Variants in CFAP61 observed in about 807,000 individuals in gnomAD.
The protein encoded by CFAP61 is cilia and flagella associated protein 61.
In CFAP61, 107 loss-of-function variants were observed where a neutral mutation model predicts 135.6. That is an observed-to-expected ratio of 0.79 (90% CI 0.67 to 0.93). The LOEUF (loss-of-function observed/expected upper bound fraction) is 0.93, where lower values mean the gene tolerates loss of function less well. Ranked by LOEUF, CFAP61 falls within the 40% of genes least tolerant of loss-of-function variation. CFAP61 has a pLI of 0.00. For synonymous variants in CFAP61, 575 were observed against 578.5 expected (o/e 0.99, Z 0.09); for missense variants, 1,507 against 1,556.2 (o/e 0.97, Z 0.53).
In CFAP61 at chr20:20,090,932, C is replaced by T; in HGVS notation, c.655C>T (p.Leu219=). The T allele has an allele frequency of 1.9e-6, 3 of 1,614,070 alleles. No individual in the cohort carries two copies. The South Asian group carries it at 3.3e-5, about 18-fold the overall frequency. Residue 219 remains leucine (L), a synonymous_variant, in exon 7 of 27, where the codon CTA becomes TTA. Coordinates refer to ENST00000245957, the MANE Select transcript of CFAP61 (RefSeq NM_015585.4). ...ETYGEYFLAE[L]IEAQDEENHA... ...TTACGGTGAATACTTCCTGGCCGAA[C>T]TAATAGAGGCCCAAGATGAAGAGAA... is the stretch of plus-strand genomic sequence containing the variant.
At chr20:20,213,191 ACT>A (rs2047788504) in intron 17 of CFAP61, among the ~76,000 whole-genome samples, 1 of 152,092 alleles carries the variant, frequency 6.6e-6, no homozygotes, top group Admixed American at 6.6e-5. Flanking sequence ...CTCCACACAC[ACT>A]CAGCCCGTGC....
rs199709884 is a variant in CFAP61 at position 20,164,156 on chromosome 20, G to T, written c.1133G>T (p.Arg378Leu). The change falls in exon 11 of 27, where the codon CGC (arginine) becomes CTC (leucine). Residue 378 changes from arginine (R) to leucine (L), a missense_variant. Arg to Leu is a moderately radical substitution (Grantham distance 102). Transcript: ENST00000245957. ...CTGCCTGAAGAGCCCGTCCACTTCC[G>T]CCCCATCTACAGGGGAGCCTCAGCT... ...LVLPEEPVHFRPIYRGASAAF... is the reference protein window; with the variant it reads ...LVLPEEPVHFLPIYRGASAAF... 1 of 1,614,030 alleles carries T rather than the reference G, an allele frequency of 6.2e-7. No homozygotes were observed. Among genetic ancestry groups the T allele is most frequent in the African/African-American group, 1.3e-5 (1 of 75,052 alleles).
chr20:20,223,616 G>C (rs1466932836), intron 17 of CFAP61, among the ~76,000 whole-genome samples: 1 of 152,138 alleles, frequency 6.6e-6, no homozygotes, highest in African/African-American at 2.4e-5. Context: ...TTTCAGTAAT[G>C]CTTTTGTAGT....
intron 21 of CFAP61, among the ~76,000 whole-genome samples, chr20:20,275,187 G>T (rs555218537): frequency 6.6e-6 from 1 of 152,314 alleles, no homozygotes; most frequent in African/African-American, 2.4e-5. Flanking sequence ...CAAGCAGGAT[G>T]AAACACACAT....
At chr20:20,345,591 A>C (rs1181889126) in intron 26 of CFAP61, among the ~76,000 whole-genome samples, 1 of 152,160 alleles carries the variant, frequency 6.6e-6, no homozygotes, top group African/African-American at 2.4e-5. Flanking sequence ...TTATCTATGA[A>C]TATTGTTAGA....
intron 25 of CFAP61, among the ~76,000 whole-genome samples, chr20:20,341,262 T>A (rs867838075): frequency 4.5e-4 from 68 of 152,206 alleles, no homozygotes; most frequent in African/African-American, 1.4e-3. Context: ...AATCTTATTG[T>A]TCTCCATATA....
rs2054769783 is a variant in CFAP61 at position 20,288,625 on chromosome 20, G to C, written c.2813G>C (p.Cys938Ser). The change falls in exon 23 of 27, where the codon TGT becomes TCT. Residue 938 changes from cysteine (C) to serine (S), a missense_variant. Transcript: ENST00000245957. ...ACTTCGTAGATGTTCTTCAGCTTCT[G>C]TGAGAAGAATGTGGATTATGAAACG... ...RLQCSMFFSFCEKNVDYETFK... is the reference protein window; with the variant it reads ...RLQCSMFFSFSEKNVDYETFK... 2.5e-6 allele frequency: 4 copies of C among 1,612,438 alleles called. No individual in the cohort carries two copies. Among genetic ancestry groups the C allele is most frequent in the Non-Finnish European group, 3.4e-6 (4 of 1,178,596 alleles).
chr20:20,155,146 A>G (rs575028693), intron 9 of CFAP61, among the ~76,000 whole-genome samples: 26 of 152,302 alleles, frequency 1.7e-4, no homozygotes, highest in Non-Finnish European at 2.8e-4. Flanking sequence ...CTAATCTTCA[A>G]CAAAGCAAAC....
chr20:20,308,056 A>G (rs1343902753), intron 25 of CFAP61, among the ~76,000 whole-genome samples: 1 of 152,212 alleles, frequency 6.6e-6, no homozygotes, highest in Admixed American at 6.5e-5. Context: ...GTCGATAATC[A>G]CTAATACTCT....
intron 15 of CFAP61, among the ~76,000 whole-genome samples, chr20:20,196,013 G>A (rs1012192767): frequency 6.6e-6 from 1 of 152,218 alleles, no homozygotes; most frequent in African/African-American, 2.4e-5. Context: ...CCCAGGAGGT[G>A]AAGGTTGCAG....
At chr20:20,313,616 C>T (rs2056950697) in intron 25 of CFAP61, among the ~76,000 whole-genome samples, 1 of 152,210 alleles carries the variant, frequency 6.6e-6, no homozygotes, top group Admixed American at 6.5e-5. Context: ...TAAGTTCATT[C>T]TCTAGGCATA....
chr20:20,227,969 T>C (rs1208045692), intron 17 of CFAP61, among the ~76,000 whole-genome samples: 1 of 152,202 alleles, frequency 6.6e-6, no homozygotes, highest in Non-Finnish European at 1.5e-5. Context: ...TCATTAAGGA[T>C]CTCAGTTCTG....
chr20:20,243,147 G>A (rs1036065520), intron 18 of CFAP61, among the ~76,000 whole-genome samples: 2 of 152,172 alleles, frequency 1.3e-5, no homozygotes, highest in African/African-American at 4.8e-5. Flanking sequence ...TTACATGGAC[G>A]GCAGCAGGCA....
intron 13 of CFAP61, among the ~76,000 whole-genome samples, chr20:20,184,132 G>T (rs1054802815): frequency 6.6e-6 from 1 of 152,188 alleles, no homozygotes; most frequent in African/African-American, 2.4e-5. Context: ...CCATGATATG[G>T]TCTGAGCTTC....
At chr20:20,099,594 A>G (rs2146639747) in intron 8 of CFAP61, among the ~76,000 whole-genome samples, 1 of 152,082 alleles carries the variant, frequency 6.6e-6, no homozygotes, top group East Asian at 2.0e-4. Context: ...GGGGGTTGTG[A>G]AGTTTCACTG....
intron 12 of CFAP61, among the ~76,000 whole-genome samples, chr20:20,167,154 T>G (rs901009497): frequency 1.3e-5 from 2 of 152,216 alleles, no homozygotes; most frequent in Admixed American, 1.3e-4. Flanking sequence ...TTGACTGATT[T>G]CAAGAAAAGT....
At chr20:20,234,696 G>T (rs6081935) in intron 18 of CFAP61, among the ~76,000 whole-genome samples, 2 of 152,172 alleles carry the variant, frequency 1.3e-5, no homozygotes, top group Admixed American at 6.5e-5. Context: ...GGGATACTTA[G>T]GCCCCACTCT....
chr20:20,116,636 ATTC>A (rs1276793310), intron 8 of CFAP61, among the ~76,000 whole-genome samples: 3 of 152,008 alleles, frequency 2.0e-5, no homozygotes, highest in Non-Finnish European at 4.4e-5. Context: ...ATCTAGTTTC[ATTC>A]TTCTACATGG....
chr20:20,057,401 A>C (rs1345663428), intron 2 of CFAP61, among the ~76,000 whole-genome samples: 1 of 152,234 alleles, frequency 6.6e-6, no homozygotes, highest in Non-Finnish European at 1.5e-5. Context: ...TAATAATATT[A>C]GCTGCCAGAT....
Sources: allele counts gnomAD v4.1 joint callset (sites outside exome capture counted in the v4.1 genomes callset), GRCh38; gene constraint gnomAD v4.1.1; transcripts MANE v1.5; gene names NCBI Gene and HGNC (gene_info 2026-07-23, HGNC 2026-07-21).